The following PANX3 variants were observed in gnomAD, a reference collection of about 807,000 sequenced individuals.
PANX3 encodes pannexin-3.
In PANX3, 18 loss-of-function variants were observed where a neutral mutation model predicts 31.5. The ratio of observed to expected loss-of-function variants is 0.57; its 90% confidence interval spans 0.39 to 0.85. The LOEUF is 0.85. Ranked by LOEUF, PANX3 falls within the 40% of genes least tolerant of loss-of-function variation. The probability of loss-of-function intolerance (pLI) is 0.00; values close to 1 mark genes in which losing one functional copy is unlikely to be tolerated. For missense variants in PANX3, 426 were observed against 485.4 expected, an observed-to-expected ratio of 0.88 and a Z score of 1.15; for synonymous variants, 194 against 201.6, an observed-to-expected ratio of 0.96 and a Z score of 0.32.
rs1363844750 is a variant in PANX3 at position 124,617,345 on chromosome 11, T to C, written c.396T>C (p.Ala132=). 1 of 1,612,902 alleles carries C rather than the reference T, an allele frequency of 6.2e-7. No individual in the cohort carries two copies. Among genetic ancestry groups the C allele is most frequent in the South Asian group, 1.1e-5 (1 of 91,088 alleles). ...YLPVLLWQYA[A]VPALSSDLLF... is the part of the protein sequence containing the mutation. Reference sequence around the variant, plus strand: ...CGGTGCTGCTGTGGCAGTATGCAGCTGTGCCAGCCCTCAGCTCCGATCTGC... The same window carrying C: ...CGGTGCTGCTGTGGCAGTATGCAGCCGTGCCAGCCCTCAGCTCCGATCTGC... The change falls in exon 3 of 4, where the codon GCT becomes GCC. Residue 132 remains alanine, a synonymous_variant. Transcript: ENST00000284288.
rs773845812 is a variant in PANX3 at position 124,611,660 on chromosome 11, A to G, written c.104A>G (p.Asp35Gly). The G allele has an allele frequency of 1.9e-6, 3 of 1,614,164 alleles. No individual in the cohort carries two copies. Among genetic ancestry groups the G allele is most frequent in the South Asian group, 2.2e-5 (2 of 91,088 alleles). ...LKGLRLELPL[D>G]RIVKFVAVGS... The stretch of plus-strand genomic sequence containing the variant: ...GGACTGCGTCTGGAACTGCCCCTGG[A>G]CCGGATAGTCAAGTTCGTAGCTGTG... Residue 35 changes from aspartate (D) to glycine (G), a missense_variant, in exon 1 of 4, where the codon GAC becomes GGC. Coordinates refer to ENST00000284288, the MANE Select transcript of PANX3 (RefSeq NM_052959.3).
At chr11:124,612,649 T>G (rs1863106591) in intron 1 of PANX3, among the ~76,000 whole-genome samples, 1 of 152,178 alleles carries the variant, frequency 6.6e-6, no homozygotes, top group Non-Finnish European at 1.5e-5. Flanking sequence ...AGGATGTCAG[T>G]TATTTCAGGA....
At chr11:124,614,780 G>A (rs1425888496) in intron 2 of PANX3, among the ~76,000 whole-genome samples, 3 of 146,206 alleles carry the variant, frequency 2.1e-5, no homozygotes, top group African/African-American at 5.1e-5. Flanking sequence ...AGGTTCAAGC[G>A]ATTCTCCCGC....
chr11:124,619,733 T>G lies in PANX3; in HGVS notation c.977T>G (p.Leu326Arg), dbSNP rs1371902953. 3 of 1,614,112 alleles carry G rather than the reference T, an allele frequency of 1.9e-6. No homozygotes were observed. The highest frequency in any genetic ancestry group is 2.5e-6 in the Non-Finnish European group (3 of 1,180,048). ...RKMLGCPIND[L>R]NVILLFLRAN... ...ATGCTAGGATGTCCCATCAATGACCTCAATGTGATCCTTCTTTTCCTCCGA... is the reference window on the plus strand; with the variant it reads ...ATGCTAGGATGTCCCATCAATGACCGCAATGTGATCCTTCTTTTCCTCCGA... Residue 326 changes from leucine (L) to arginine (R), a missense_variant, in exon 4 of 4, where the codon CTC becomes CGC. Transcript: ENST00000284288.
chr11:124,619,151 G>A (rs945540465), intron 3 of PANX3, 145 bp from the exon 4 acceptor site: 7 of 815,574 alleles, frequency 8.6e-6, no homozygotes, highest in Middle Eastern at 3.7e-4. Context: ...TGGGGGAGAA[G>A]CATGGTTATG....
In PANX3 at chr11:124,616,999, TTCTC is replaced by T. The variant is rs372676778; in HGVS notation, c.325-265_325-262del. ...TCCTTATTCTCTCTCTCTCTCCTTA[TTCTC>T]TCTCTCTCTTCTCCCTGGGACCCCA... On this transcript the variant is annotated intron_variant, in intron 2 of 3. Coordinates refer to ENST00000284288, the MANE Select transcript of PANX3 (RefSeq NM_052959.3). The surrounding 1 kb of genome is among the most constrained non-coding windows in gnomAD (Gnocchi z 4.8). Among the ~76,000 whole-genome samples the T allele has an allele frequency of 1.8e-5, 2 of 110,308 alleles. No homozygotes were observed. The highest frequency in any genetic ancestry group is 7.9e-5 in the African/African-American group (1 of 12,718). The allele number at this position is 110,308 out of a possible 152,430, so 72.4% of individuals were successfully genotyped here.
At chr11:124,617,570 C>T in intron 3 of PANX3, 82 bp downstream of exon 3, 1 of 1,373,302 alleles carries the variant, frequency 7.3e-7, no homozygotes, top group Non-Finnish European at 1.0e-6. Flanking sequence ...TTTAAATGAT[C>T]TTCCATGCCA....
rs1863159586 is a variant in PANX3, at chr11:124,616,967, C to T, written c.325-307C>T. Among the ~76,000 whole-genome samples, 1 of 150,632 alleles carries T rather than the reference C, an allele frequency of 6.6e-6. No homozygotes were observed. Among genetic ancestry groups the T allele is most frequent in the Admixed American group, 6.6e-5 (1 of 15,186 alleles). On this transcript the variant is annotated intron_variant, in intron 2 of 3. Transcript: ENST00000284288. This position sits in a 1 kb window ranked among gnomAD's most constrained non-coding sequence, Gnocchi z 4.8. ...CCTCTCCTTCCCACCTCTCCTCTCT[C>T]TCTCTCTCCTTATTCTCTCTCTCTC...
At position 124,619,622 on chromosome 11, in the gene PANX3, A is replaced by G. The variant is rs984229205; in HGVS notation, c.866A>G (p.Tyr289Cys). 10 of 1,614,216 alleles carry G rather than the reference A, an allele frequency of 6.2e-6. No individual in the cohort carries two copies. The highest frequency in any genetic ancestry group is 1.6e-4 in the Middle Eastern group (1 of 6,062). Reference sequence around the variant, plus strand: ...ACCATATTGGTTCCAGTGATAATATACAACCTCACACGGCTATGTCGGTGG... The same window carrying G: ...ACCATATTGGTTCCAGTGATAATATGCAACCTCACACGGCTATGTCGGTGG... Reference protein sequence around the residue: ...IYTILVPVIIYNLTRLCRWDK... With the variant: ...IYTILVPVIICNLTRLCRWDK... Residue 289 changes from tyrosine to cysteine, a missense_variant, in exon 4 of 4, where the codon TAC becomes TGC. Physicochemically the swap from Tyr to Cys is radical, Grantham distance 194. Coordinates refer to ENST00000284288, the MANE Select transcript of PANX3 (RefSeq NM_052959.3).
At chr11:124,611,850 T>C in intron 1 of PANX3, 113 bp downstream of exon 1, 1 of 1,177,830 alleles carries the variant, frequency 8.5e-7, no homozygotes, top group Non-Finnish European at 1.2e-6. Flanking sequence ...GGCTTCGGGC[T>C]GGGCTGGATT....
chr11:124,611,810 G>C, intron 1 of PANX3, 73 bp downstream of exon 1: 1 of 1,496,480 alleles, frequency 6.7e-7, no homozygotes, highest in Non-Finnish European at 9.1e-7. Flanking sequence ...GCTCTGAAGT[G>C]AGATGGTGCG....
rs749006508 is a variant in PANX3, at chr11:124,616,980, T to TTC, written c.325-281_325-280dup. Reference sequence around the variant, plus strand: ...CCTCTCCTCTCTCTCTCTCTCCTTATTCTCTCTCTCTCTCCTTATTCTCTC... The same window carrying TTC: ...CCTCTCCTCTCTCTCTCTCTCCTTATTCTCTCTCTCTCTCTCCTTATTCTCTC... On this transcript the variant is annotated intron_variant, in intron 2 of 3. Transcript: ENST00000284288. The surrounding 1 kb of genome is among the most constrained non-coding windows in gnomAD (Gnocchi z 4.8). Among the ~76,000 whole-genome samples the TTC allele has an allele frequency of 2.0e-5, 3 of 147,610 alleles. No homozygotes were observed. Among genetic ancestry groups the TTC allele is most frequent in the East Asian group, 4.2e-4 (2 of 4,766 alleles).
chr11:124,612,803 C>T (rs941901629), intron 1 of PANX3, among the ~76,000 whole-genome samples, 177 bp from the exon 2 acceptor site: 6 of 152,276 alleles, frequency 3.9e-5, no homozygotes, highest in African/African-American at 1.4e-4. Context: ...CAGTGGGATG[C>T]GTCCAGGAGT....
At chr11:124,613,176 AC>A in intron 2 of PANX3, 54 bp downstream of exon 2, 1 of 1,579,030 alleles carries the variant, frequency 6.3e-7, no homozygotes. Context: ...GTGGTGCAGA[AC>A]CCCTTCATTC....
At chr11:124,614,627 C>T (rs1863131649) in intron 2 of PANX3, among the ~76,000 whole-genome samples, 1 of 150,164 alleles carries the variant, frequency 6.7e-6, no homozygotes, top group African/African-American at 2.5e-5. Context: ...ACAACAGAAT[C>T]TCTAAGTATA....
chr11:124,617,614 A>G (rs766044772), intron 3 of PANX3, 126 bp downstream of exon 3: 113 of 863,212 alleles, frequency 1.3e-4, no homozygotes, highest in Admixed American at 2.3e-4. Context: ...TTAACACATC[A>G]TCTCATTAAC....
At position 124,613,086 on chromosome 11, in the gene PANX3, T is replaced by C. The variant is rs1328610390; in HGVS notation, c.288T>C (p.Pro96=). 1 of 1,614,038 alleles carries C rather than the reference T, an allele frequency of 6.2e-7. No homozygotes were observed. Among genetic ancestry groups the C allele is most frequent in the Non-Finnish European group, 8.5e-7 (1 of 1,180,010 alleles). The change falls in exon 2 of 4, where the codon CCT becomes CCC. Residue 96 remains proline, a synonymous_variant. Coordinates refer to ENST00000284288, the MANE Select transcript of PANX3 (RefSeq NM_052959.3). ...TGCTTCACCATAAGCAGGACGGGCC[T>C]GGCCAGGACAAAATGAAATCTCTCT... is the stretch of plus-strand genomic sequence containing the variant. ...DSLLHHKQDG[P]GQDKMKSLWP... is the part of the protein sequence containing the mutation.
rs1863199028 is a variant in PANX3, at chr11:124,620,017, C to CA, written c.*88dup. ...CATGCACACTAATACACATACACAC[C>CA]AAAAAATTACACATTTTAAAACTGC... On this transcript the variant is annotated 3_prime_UTR_variant, in exon 4 of 4. Transcript: ENST00000284288. 1 of 1,382,912 alleles carries CA rather than the reference C, an allele frequency of 7.2e-7. No individual in the cohort carries two copies. Among genetic ancestry groups the CA allele is most frequent in the Non-Finnish European group, 9.8e-7 (1 of 1,020,252 alleles). 85.7% of individuals were successfully genotyped at this position (1,382,912 alleles called of 1,614,324 possible). A position where few individuals can be genotyped will look rare whatever the true frequency, so the allele number is the denominator to read the frequency against.
intron 2 of PANX3, 45 bp from the exon 3 acceptor site, chr11:124,617,229 T>A (rs750707312): frequency 1.6e-5 from 23 of 1,464,364 alleles, no homozygotes; most frequent in Non-Finnish European, 2.1e-5. Flanking sequence ...TCACTCGGGG[T>A]CTCAGCAGCC....
Sources: gnomAD v4.1 joint callset for allele counts (sites outside exome capture counted in the v4.1 genomes callset) on GRCh38, gnomAD v4.1.1 for gene constraint, Gnocchi (gnomAD v3.1) non-coding constraint, MANE v1.5 for transcripts, NCBI Gene and HGNC (gene_info 2026-07-23, HGNC 2026-07-21) for gene names.